The following ZAP70 variants were observed in gnomAD, a reference collection of about 807,000 sequenced individuals.
ZAP70 encodes tyrosine-protein kinase ZAP-70.
A neutral mutation model predicts 65.8 loss-of-function variants in ZAP70; 27 were observed. That is an observed-to-expected ratio of 0.41 (90% CI 0.30 to 0.57). The LOEUF is 0.57. Ranked by LOEUF, ZAP70 falls within the 20% of genes least tolerant of loss-of-function variation. The probability of loss-of-function intolerance (pLI) is 0.28; values close to 1 mark genes in which losing one functional copy is unlikely to be tolerated. For missense variants in ZAP70, 696 were observed against 870.5 expected, an observed-to-expected ratio of 0.80 and a Z score of 2.52; for synonymous variants, 363 against 360.8, an observed-to-expected ratio of 1.01 and a Z score of -0.07.
chr2:97,715,526 C>T lies in ZAP70; in HGVS notation c.-22+1532C>T, dbSNP rs1015328737. Among the ~76,000 whole-genome samples, 12 of 152,102 alleles carry T rather than the reference C, an allele frequency of 7.9e-5. No homozygotes were observed. The highest frequency in any genetic ancestry group is 1.2e-4 in the African/African-American group (5 of 41,420). On this transcript the variant is annotated intron_variant, in intron 2 of 13. Coordinates refer to ENST00000264972, the MANE Select transcript of ZAP70 (RefSeq NM_001079.4). The surrounding 1 kb of genome is among the most constrained non-coding windows in gnomAD (Gnocchi z 4.1). ...GGAGTTGGGGGCCTCACTGGAGGGG[C>T]GGTGGAAGGGCATTGTTCAATCAAC... is the stretch of plus-strand genomic sequence containing the variant.
At chr2:97,743,977 G>T (rs1678188500), downstream of ZAP70, among the ~76,000 whole-genome samples, 1 of 152,128 alleles carries the variant, frequency 6.6e-6, no homozygotes, top group African/African-American at 2.4e-5. Context: ...TTGTATACCT[G>T]GTATTTTCCT....
At chr2:97,738,854 G>C in intron 13 of ZAP70, among the ~76,000 whole-genome samples, 1 of 151,986 alleles carries the variant, frequency 6.6e-6, no homozygotes, top group Admixed American at 6.6e-5. Flanking sequence ...TACCCAAAGA[G>C]GCTAGCACCT....
chr2:97,735,812 G>T (rs1402397867), intron 10 of ZAP70, among the ~76,000 whole-genome samples: 1 of 152,188 alleles, frequency 6.6e-6, no homozygotes, highest in African/African-American at 2.4e-5. Flanking sequence ...AAGAGATCCA[G>T]ACCATCCTGG....
intron 3 of ZAP70, chr2:97,724,682 A>G: frequency 6.6e-7 from 1 of 1,523,376 alleles, no homozygotes; most frequent in Non-Finnish European, 8.8e-7. Context: ...GCCAGATGGG[A>G]AGGTAGAGGG....
Position 97,735,447 on chromosome 2 carries a change from T to A in ZAP70, c.1280T>A (p.Val427Asp), listed in dbSNP as rs1443145518. ...GGCGGGCCGCTGCACAAGTTCCTGGTCGGCAAGAGGTGAGCACCGGGTGGG... is the reference window on the plus strand; with the variant it reads ...GGCGGGCCGCTGCACAAGTTCCTGGACGGCAAGAGGTGAGCACCGGGTGGG... ...AGGGPLHKFL[V>D]GKREEIPVSN... is the part of the protein sequence containing the mutation. The change falls in exon 10 of 14, where the codon GTC becomes GAC. Residue 427 changes from valine (V) to aspartate (D), a missense_variant. Val to Asp is a radical substitution (Grantham distance 152). This residue lies in a region of ZAP70 where 551 missense variants were observed against 630.0 expected (regional missense o/e 0.87). Transcript: ENST00000264972. 1.2e-6 allele frequency: 2 copies of A among 1,607,692 alleles called. No homozygotes were observed. The highest frequency in any genetic ancestry group is 8.5e-7 in the Non-Finnish European group (1 of 1,176,830).
chr2:97,754,920 G>A, the ZAP70 span, among the ~76,000 whole-genome samples: 8 of 152,218 alleles, frequency 5.3e-5, no homozygotes, highest in South Asian at 2.1e-4. Flanking sequence ...TGGTGTCCCC[G>A]AGGGACAAAT....
the ZAP70 span, among the ~76,000 whole-genome samples, chr2:97,752,136 A>G: frequency 1.3e-5 from 2 of 152,098 alleles, no homozygotes; most frequent in Non-Finnish European, 2.9e-5. Context: ...ACAAACAATA[A>G]CCAGAATGTA....
At chr2:97,743,966 C>T (rs1573297303), downstream of ZAP70, among the ~76,000 whole-genome samples, 6 of 152,272 alleles carry the variant, frequency 3.9e-5, no homozygotes, top group South Asian at 1.2e-3. Flanking sequence ...GCAGTGGTCT[C>T]TTGTATACCT....
rs1677831313 is a variant in ZAP70, at chr2:97,735,446, G to C, written c.1279G>C (p.Val427Leu). 6.2e-7 allele frequency: 1 copy of C among 1,611,438 alleles called. No homozygotes were observed. Among genetic ancestry groups the C allele is most frequent in the Admixed American group, 1.7e-5 (1 of 59,968 alleles). ...AGGGPLHKFL[V>L]GKREEIPVSN... ...GGGCGGGCCGCTGCACAAGTTCCTG[G>C]TCGGCAAGAGGTGAGCACCGGGTGG... is the stretch of plus-strand genomic sequence containing the variant. Residue 427 changes from valine (V) to leucine (L), a missense_variant, in exon 10 of 14, where the codon GTC becomes CTC. Physicochemically the swap from Val to Leu is conservative, Grantham distance 32. Transcript: ENST00000264972.
In ZAP70 at chr2:97,734,620, C is replaced by T. The variant is rs1573282863; in HGVS notation, c.990C>T (p.Leu330=). The change falls in exon 9 of 14, where the codon CTC becomes CTT. Residue 330 remains leucine, a synonymous_variant. Coordinates refer to ENST00000264972, the MANE Select transcript of ZAP70 (RefSeq NM_001079.4). ...SDPEELKDKK[L]FLKRDNLLIA... is the part of the protein sequence containing the mutation. Reference sequence around the variant, plus strand: ...CAGAGGAGCTCAAGGACAAGAAGCTCTTCCTGAAGCGCGATAACCTCCTCA... The same window carrying T: ...CAGAGGAGCTCAAGGACAAGAAGCTTTTCCTGAAGCGCGATAACCTCCTCA... 3 of 1,614,242 alleles carry T rather than the reference C, an allele frequency of 1.9e-6. No homozygotes were observed. Among genetic ancestry groups the T allele is most frequent in the Non-Finnish European group, 2.5e-6 (3 of 1,180,038 alleles).
Sources: gnomAD v4.1 joint callset for allele counts (sites outside exome capture counted in the v4.1 genomes callset) on GRCh38, gnomAD v4.1.1 for gene constraint, gnomAD v4.1.1 regional missense constraint, Gnocchi (gnomAD v3.1) non-coding constraint, MANE v1.5 for transcripts, NCBI Gene and HGNC (gene_info 2026-07-23, HGNC 2026-07-21) for gene names.